PRIM2: variants seen among roughly 807,000 people sequenced by gnomAD.
PRIM2 encodes the protein DNA primase large subunit.
A neutral mutation model predicts 67.3 loss-of-function variants in PRIM2; 39 were observed. The observed-to-expected ratio is 0.58, with a 90% CI of 0.45 to 0.76. The LOEUF is 0.76. Among genes scored for constraint, PRIM2 ranks in the 30% least tolerant of loss-of-function variants. PRIM2 has a pLI of 0.00. For missense variants in PRIM2, 398 were observed against 598.7 expected (o/e 0.66, Z 3.50); for synonymous variants, 143 against 198.7 (o/e 0.72, Z 2.36).
the PRIM2 span, among the ~76,000 whole-genome samples, chr6:57,272,621 T>C: frequency 1.3e-5 from 2 of 152,230 alleles, no homozygotes; most frequent in African/African-American, 4.8e-5. Context: ...ATTTAGTCCA[T>C]TTACATTCAA....
At chr6:57,478,257 A>T (rs1773525996) in intron 7 of PRIM2, among the ~76,000 whole-genome samples, 1 of 152,178 alleles carries the variant, frequency 6.6e-6, no homozygotes, top group African/African-American at 2.4e-5. Flanking sequence ...AACAAGTTGA[A>T]CAAGTAAGAA....
At chr6:57,493,932 C>T (rs1773949894) in intron 7 of PRIM2, 1 of 152,060 alleles carries the variant, frequency 6.6e-6, no homozygotes, top group East Asian at 1.9e-4. Flanking sequence ...TCTGGTTATC[C>T]ATCAAACACT....
the PRIM2 span, among the ~76,000 whole-genome samples, chr6:57,229,963 A>G: frequency 2.0e-5 from 3 of 152,050 alleles, no homozygotes; most frequent in African/African-American, 7.2e-5. Context: ...TGGGACTTCT[A>G]TATGCTTAGC....
At chr6:57,318,676 T>G in intron 2 of PRIM2, 77 bp downstream of exon 2, 20 of 1,127,780 alleles carry the variant, frequency 1.8e-5, no homozygotes, top group Admixed American at 2.2e-5. Flanking sequence ...TGAAGGTAAT[T>G]CATTTCCTTC....
the PRIM2 span, among the ~76,000 whole-genome samples, chr6:57,309,645 C>T: frequency 8.1e-3 from 1,235 of 152,068 alleles, 8 homozygotes; most frequent in African/African-American, 0.028. Context: ...TGTGTCTTTA[C>T]AGCAGCATGA....
chr6:57,341,146 T>G (rs1488091340), intron 5 of PRIM2, among the ~76,000 whole-genome samples: 2 of 152,172 alleles, frequency 1.3e-5, no homozygotes, highest in African/African-American at 4.8e-5. Context: ...CAGTGTGGTG[T>G]TATACAGCTT....
the PRIM2 span, among the ~76,000 whole-genome samples, chr6:57,267,514 C>T: frequency 6.6e-6 from 1 of 152,028 alleles, no homozygotes; most frequent in Non-Finnish European, 1.5e-5. Flanking sequence ...CTAATATTAT[C>T]ACTTTCTACG....
chr6:57,452,288 G>T (rs1235493803), intron 7 of PRIM2, among the ~76,000 whole-genome samples: 1 of 151,988 alleles, frequency 6.6e-6, no homozygotes, highest in East Asian at 1.9e-4. Context: ...TAATCCTTTG[G>T]GTATATACCC....
At chr6:57,540,863 G>A (rs1775134485) in intron 10 of PRIM2, among the ~76,000 whole-genome samples, 4 of 152,214 alleles carry the variant, frequency 2.6e-5, no homozygotes, top group Non-Finnish European at 5.9e-5. Context: ...GCCTATAAGT[G>A]TTGCAAGTAT....
At chr6:57,542,820 G>A in intron 10 of PRIM2, among the ~76,000 whole-genome samples, 1 of 150,902 alleles carries the variant, frequency 6.6e-6, no homozygotes, top group Non-Finnish European at 1.5e-5. Flanking sequence ...ATAAACTAAG[G>A]CATACTAAAT....
chr6:57,427,245 T>C (rs13200813), intron 7 of PRIM2, among the ~76,000 whole-genome samples: 3 of 152,344 alleles, frequency 2.0e-5, no homozygotes, highest in Non-Finnish European at 2.9e-5. Context: ...ATTTTGGGAA[T>C]GGCTTTGTTA....
chr6:57,494,376 T>G (rs1246175358), intron 7 of PRIM2, among the ~76,000 whole-genome samples: 1 of 152,222 alleles, frequency 6.6e-6, no homozygotes, highest in Non-Finnish European at 1.5e-5. Context: ...ACCAGCATCT[T>G]TTCTTTACCG....
At chr6:57,535,353 C>A (rs1337754201) in intron 9 of PRIM2, among the ~76,000 whole-genome samples, 26 of 152,294 alleles carry the variant, frequency 1.7e-4, no homozygotes, top group Middle Eastern at 3.4e-3. Flanking sequence ...ATATACTGGG[C>A]TTTCCCAGGC....
intron 7 of PRIM2, among the ~76,000 whole-genome samples, chr6:57,415,219 AAGAT>A (rs1300862837): frequency 6.6e-6 from 1 of 152,202 alleles, no homozygotes; most frequent in Non-Finnish European, 1.5e-5. Context: ...CTTTAAAACA[AAGAT>A]AGATGTTTTA....
chr6:57,494,165 G>A (rs1289089975), intron 7 of PRIM2, among the ~76,000 whole-genome samples: 2 of 152,056 alleles, frequency 1.3e-5, no homozygotes, highest in African/African-American at 2.4e-5. Flanking sequence ...AGTAGGATAG[G>A]GCAGGTACAG....
rs188767712 is a variant in PRIM2 at position 57,377,421 on chromosome 6, C to T, written c.460-2480C>T. On this transcript the variant is annotated intron_variant, in intron 5 of 13. Transcript: ENST00000615550. ...CTGTTGTATGCTGGAGATTGTGTTT[C>T]GAAAGTTATGTGTGGACTATATTGA... is the stretch of plus-strand genomic sequence containing the variant. Among the ~76,000 whole-genome samples the T allele has an allele frequency of 5.3e-5, 8 of 150,662 alleles. No homozygotes were observed. The South Asian group carries it at 6.3e-4, about 12-fold the overall frequency.
intron 7 of PRIM2, among the ~76,000 whole-genome samples, chr6:57,496,922 C>G (rs1774018130): frequency 6.6e-6 from 1 of 152,120 alleles, no homozygotes. Flanking sequence ...CAGCCAACTC[C>G]CAGCCTCAGT....
At chr6:57,342,783 G>T (rs1197394183) in intron 5 of PRIM2, among the ~76,000 whole-genome samples, 2 of 152,192 alleles carry the variant, frequency 1.3e-5, no homozygotes, top group Non-Finnish European at 1.5e-5. Flanking sequence ...GGGCTTTTGG[G>T]TGAAGGCAAG....
intron 7 of PRIM2, among the ~76,000 whole-genome samples, chr6:57,504,600 A>G (rs1554347145): frequency 6.6e-6 from 1 of 152,162 alleles, no homozygotes; most frequent in Admixed American, 6.5e-5. Flanking sequence ...CCCAAACTTA[A>G]ACAACTCGTT....
Sources: allele counts gnomAD v4.1 joint callset (sites outside exome capture counted in the v4.1 genomes callset), GRCh38; gene constraint gnomAD v4.1.1; transcripts MANE v1.5; gene names NCBI Gene and HGNC (gene_info 2026-07-23, HGNC 2026-07-21).